The following ATP11C variants were observed in gnomAD, a reference collection of about 807,000 sequenced individuals.
The protein encoded by ATP11C is ATPase phospholipid transporting 11C (ATP11C blood group), also known as phospholipid-transporting ATPase IG.
In ATP11C, 36 loss-of-function variants were observed where a neutral mutation model predicts 97.4. That is an observed-to-expected ratio of 0.37 (90% confidence interval 0.28 to 0.49). ATP11C has a LOEUF of 0.49. Among genes scored for constraint, ATP11C ranks in the 20% least tolerant of loss-of-function variants. The pLI, the probability that ATP11C is intolerant of heterozygous loss-of-function variation, is 0.98. For missense variants in ATP11C, 730 were observed against 824.6 expected (o/e 0.89, Z 1.40); for synonymous variants, 275 against 290.9 (o/e 0.95, Z 0.56).
At chrX:139,812,112 G>A (rs757628679) in intron 5 of ATP11C, among the ~76,000 whole-genome samples, 1 of 111,114 alleles carries the variant, frequency 9.0e-6, no homozygotes, top group South Asian at 3.8e-4. Flanking sequence ...TAAGGATGCA[G>A]ACCAAGTCTC....
intron 1 of ATP11C, among the ~76,000 whole-genome samples, chrX:139,851,896 A>G (rs146534764): frequency 0.011 from 1,220 of 112,023 alleles, 18 homozygotes; most frequent in African/African-American, 0.037. Flanking sequence ...TTGATAGCAC[A>G]TAACTTGTTC....
At chrX:139,794,431 A>ATTTAGG (rs1412099923) in intron 12 of ATP11C, among the ~76,000 whole-genome samples, 6 of 112,420 alleles carry the variant, frequency 5.3e-5, no homozygotes, top group Non-Finnish European at 1.1e-4. Flanking sequence ...TTGCACTTTC[A>ATTTAGG]TTTAGGTCGT....
At chrX:139,888,819 T>C (rs1284519323) in intron 1 of ATP11C, among the ~76,000 whole-genome samples, 6 of 110,306 alleles carry the variant, frequency 5.4e-5, no homozygotes, top group Non-Finnish European at 1.1e-4. Flanking sequence ...ACAGTTTTTT[T>C]TTTTTTGGAG....
intron 11 of ATP11C, 24 bp downstream of exon 11, chrX:139,797,151 CA>C: frequency 1.7e-6 from 2 of 1,192,484 alleles, no homozygotes; most frequent in Non-Finnish European, 2.3e-6. Flanking sequence ...AAAATAGTTT[CA>C]ATTTTCAGCA....
chrX:139,756,045 C>T (rs769608662), intron 23 of ATP11C, among the ~76,000 whole-genome samples: 27 of 112,274 alleles, frequency 2.4e-4, no homozygotes, highest in African/African-American at 8.7e-4. Context: ...TGACAACCTA[C>T]AAAATGGGAG....
At chrX:139,874,791 T>G (rs1315870190) in intron 1 of ATP11C, among the ~76,000 whole-genome samples, 4 of 111,918 alleles carry the variant, frequency 3.6e-5, no homozygotes, top group Non-Finnish European at 7.5e-5. Context: ...TCAGACACAA[T>G]GTGGGGAATT....
intron 1 of ATP11C, among the ~76,000 whole-genome samples, chrX:139,921,183 G>A (rs909062092): frequency 8.1e-5 from 9 of 111,456 alleles, no homozygotes; most frequent in African/African-American, 2.3e-4. Flanking sequence ...GCATGGTGTC[G>A]TGATGAACTG....
chrX:139,773,661 T>C (rs761521009), intron 19 of ATP11C, among the ~76,000 whole-genome samples: 17 of 112,661 alleles, frequency 1.5e-4, no homozygotes, highest in Non-Finnish European at 2.6e-4. Context: ...CTATTTATTA[T>C]CACTGATGCC....
intron 19 of ATP11C, among the ~76,000 whole-genome samples, chrX:139,769,327 T>G: frequency 1.4e-5 from 1 of 72,551 alleles, no homozygotes; most frequent in South Asian, 8.0e-4. Flanking sequence ...TATATATATA[T>G]TCTTTAAATG....
intron 1 of ATP11C, among the ~76,000 whole-genome samples, chrX:139,836,122 A>G (rs2083746152): frequency 9.1e-6 from 1 of 109,610 alleles, no homozygotes; most frequent in Non-Finnish European, 1.9e-5. Flanking sequence ...AAAACAAAAA[A>G]AAAGCATTCA....
At chrX:139,773,280 C>T (rs974315018) in intron 19 of ATP11C, among the ~76,000 whole-genome samples, 3 of 111,213 alleles carry the variant, frequency 2.7e-5, no homozygotes, top group African/African-American at 6.6e-5. Context: ...TTCCCAGTTT[C>T]GGGTATGTCT....
chrX:139,823,152 T>C (rs757145125), intron 2 of ATP11C, among the ~76,000 whole-genome samples: 182 of 111,585 alleles, frequency 1.6e-3, no homozygotes, highest in African/African-American at 5.1e-3. Context: ...GGAGGTTGCA[T>C]TGAGCTGAAA....
In ATP11C at chrX:139,819,358, G is replaced by A; in HGVS notation, c.217C>T (p.Leu73Phe). Residue 73 changes from leucine to phenylalanine, a missense_variant, in exon 3 of 30, where the codon CTC becomes TTC. Leu to Phe is a conservative substitution (Grantham distance 22). Coordinates refer to ENST00000682941, the MANE Select transcript of ATP11C (RefSeq NM_001353812.2). Reference protein sequence around the residue: ...QFRRIANFYFLIIFLVQVTVD... With the variant: ...QFRRIANFYFFIIFLVQVTVD... The stretch of plus-strand genomic sequence containing the variant: ...CTTACCTGTACAAGGAAGATTATGA[G>A]AAAATAAAAATTTGCAATTCTTCTA... 3.5e-6 allele frequency: 4 copies of A among 1,132,607 alleles called. No homozygotes were observed. The highest frequency in any genetic ancestry group is 4.7e-6 in the Non-Finnish European group (4 of 845,059). The allele number at this position is 1,132,607 out of a possible 1,213,427, so 93.3% of individuals were successfully genotyped here.
rs1401855097 is a variant in ATP11C, at chrX:139,731,715, G to C, written c.3329C>G (p.Ala1110Gly). Reference sequence around the variant, plus strand: ...AAGAAGAGGTCTGACTGAAGGTCTGGCGGATAATGAGTCAGATGCCCTTCT... The same window carrying C: ...AAGAAGAGGTCTGACTGAAGGTCTGCCGGATAATGAGTCAGATGCCCTTCT... Reference protein sequence around the residue: ...SCRRASDSLSARPSVRPLLLR... With the variant: ...SCRRASDSLSGRPSVRPLLLR... Residue 1110 changes from alanine (A) to glycine (G), a missense_variant, in exon 29 of 30, where the codon GCC (alanine) becomes GGC (glycine). Ala to Gly is a moderately conservative substitution (Grantham distance 60). Transcript: ENST00000682941. 8.4e-7 allele frequency: 1 copy of C among 1,196,431 alleles called. No homozygotes were observed. Among genetic ancestry groups the C allele is most frequent in the Non-Finnish European group, 1.1e-6 (1 of 885,603 alleles).
In ATP11C at chrX:139,788,288, T is replaced by G; in HGVS notation, c.1424A>C (p.Lys475Thr). 1 of 1,209,005 alleles carries G rather than the reference T, an allele frequency of 8.3e-7. No individual in the cohort carries two copies. The highest frequency in any genetic ancestry group is 1.1e-6 in the Non-Finnish European group (1 of 893,035). Residue 475 changes from lysine (K) to threonine (T), a missense_variant, in exon 14 of 30, where the codon AAA becomes ACA. Physicochemically the swap from Lys to Thr is moderately conservative, Grantham distance 78. Transcript: ENST00000682941. The stretch of plus-strand genomic sequence containing the variant: ...AGCTCCATCAACAGCATCGTTTGTT[T>G]TGATTTCTACAGTATGACATAAACA... Reference protein sequence around the residue: ...ALCLCHTVEIKTNDAVDGATE... With the variant: ...ALCLCHTVEITTNDAVDGATE...
rs1394091637 is a variant in ATP11C at position 139,932,063 on chromosome X, G to T, written c.-21C>A. The T allele has an allele frequency of 8.7e-7, 1 of 1,154,404 alleles. No homozygotes were observed. Among genetic ancestry groups the T allele is most frequent in the East Asian group, 3.3e-5 (1 of 30,142 alleles). On this transcript the variant is annotated 5_prime_UTR_variant, in exon 1 of 30. Coordinates refer to ENST00000682941, the MANE Select transcript of ATP11C (RefSeq NM_001353812.2). ...AACATCGCGTCGAAGGCTGCCGGGC[G>T]CTGAGCTGGGCTCTACCGGGCTGTC... is the stretch of plus-strand genomic sequence containing the variant.
intron 1 of ATP11C, chrX:139,832,326 T>TGCCTA (rs2083669109): frequency 9.1e-7 from 1 of 1,101,983 alleles, no homozygotes; most frequent in Non-Finnish European, 1.2e-6. Context: ...AATTATGGCT[T>TGCCTA]GCCTAGTTCC....
intron 16 of ATP11C, 147 bp downstream of exon 16, chrX:139,785,079 T>C (rs1206705847): frequency 2.4e-6 from 1 of 420,871 alleles, no homozygotes; most frequent in African/African-American, 2.5e-5. Context: ...AAAAAATACA[T>C]GAAAGCATAT....
intron 29 of ATP11C, among the ~76,000 whole-genome samples, chrX:139,730,349 C>T (rs899833581): frequency 1.8e-5 from 2 of 109,577 alleles, no homozygotes; most frequent in African/African-American, 6.6e-5. Flanking sequence ...CAGCTTAGAA[C>T]GAGGCAATCT....
Sources: allele counts gnomAD v4.1 joint callset (sites outside exome capture counted in the v4.1 genomes callset), GRCh38; gene constraint gnomAD v4.1.1; transcripts MANE v1.5; gene names NCBI Gene and HGNC (gene_info 2026-07-23, HGNC 2026-07-21).